The following PLCB1 variants were observed in gnomAD, a reference collection of about 807,000 sequenced individuals.
PLCB1 encodes 1-phosphatidylinositol 4,5-bisphosphate phosphodiesterase beta-1.
In PLCB1, 46 loss-of-function variants were observed where a neutral mutation model predicts 161.8. The ratio of observed to expected loss-of-function variants is 0.28; its 90% confidence interval spans 0.22 to 0.36. PLCB1 has a LOEUF of 0.36. Ranked by LOEUF, PLCB1 falls within the 10% of genes least tolerant of loss-of-function variation. The pLI is 1.00. For synonymous variants in PLCB1, 517 were observed against 503.7 expected (o/e 1.03, Z -0.35); for missense variants, 1,016 against 1,472.5 (o/e 0.69, Z 5.07).
chr20:8,318,274 A>C (rs1984750540), intron 2 of PLCB1, among the ~76,000 whole-genome samples: 1 of 152,176 alleles, frequency 6.6e-6, no homozygotes, highest in Admixed American at 6.6e-5. Context: ...TTGACCTTAC[A>C]GTCTACCACA....
chr20:8,433,339 T>C (rs904254240), intron 3 of PLCB1, among the ~76,000 whole-genome samples: 1 of 148,964 alleles, frequency 6.7e-6, no homozygotes, highest in Non-Finnish European at 1.5e-5. Context: ...TCTAGAAAAA[T>C]CTTGGGAAAA....
In PLCB1 at chr20:8,221,546, T is replaced by A. The variant is rs149030710; in HGVS notation, c.177+71175T>A. 2.2e-3 allele frequency among the ~76,000 whole-genome samples: 342 copies of A among 152,228 alleles called. 1 individual carries two copies. The highest frequency in any genetic ancestry group is 7.7e-3 in the African/African-American group (321 of 41,530). ...TAAATCTCAGTTATCATGAGAAGGC[T>A]CCAGGCTGGCTCTTTGCCAGTGTGT... On this transcript the variant is annotated intron_variant, in intron 2 of 31. Transcript: ENST00000338037.
chr20:8,684,414 G>A (rs1179497060), intron 9 of PLCB1, among the ~76,000 whole-genome samples: 4 of 151,490 alleles, frequency 2.6e-5, no homozygotes, highest in South Asian at 2.1e-4. Flanking sequence ...CACCATGCCC[G>A]GGTTAATTTT....
intron 9 of PLCB1, among the ~76,000 whole-genome samples, chr20:8,665,185 C>T (rs1273434480): frequency 1.3e-5 from 2 of 152,184 alleles, no homozygotes; most frequent in African/African-American, 4.8e-5. Context: ...TTCATTATGA[C>T]TTTTTATTTG....
intron 2 of PLCB1, among the ~76,000 whole-genome samples, chr20:8,262,600 G>A (rs2743163): frequency 0.05 from 7,646 of 152,224 alleles, 636 homozygotes; most frequent in African/African-American, 0.17. Flanking sequence ...TGAAATATAT[G>A]AATACCCAGC....
At chr20:8,139,536 A>G (rs1421753677) in intron 1 of PLCB1, among the ~76,000 whole-genome samples, 1 of 152,216 alleles carries the variant, frequency 6.6e-6, no homozygotes, top group Admixed American at 6.5e-5. Context: ...GGATATCAAT[A>G]TATAGCATTG....
chr20:8,582,988 C>CAAAAAAAAAAAAA, intron 3 of PLCB1, among the ~76,000 whole-genome samples: 1 of 125,198 alleles, frequency 8.0e-6, no homozygotes, highest in South Asian at 2.4e-4. Context: ...GACTCCATCT[C>CAAAAAAAAAAAAA]AAAAAAAAAA....
chr20:8,424,652 G>C (rs1979673193), intron 3 of PLCB1, among the ~76,000 whole-genome samples: 1 of 152,084 alleles, frequency 6.6e-6, no homozygotes, highest in African/African-American at 2.4e-5. Flanking sequence ...AGCAAAGATG[G>C]CCTAGCATTC....
At chr20:8,315,533 A>G (rs1034783705) in intron 2 of PLCB1, among the ~76,000 whole-genome samples, 2 of 152,140 alleles carry the variant, frequency 1.3e-5, no homozygotes, top group African/African-American at 4.8e-5. Flanking sequence ...TGGAAGTGTA[A>G]CCTTGGCCAA....
At chr20:8,861,855 C>T (rs1987268910) in intron 31 of PLCB1, among the ~76,000 whole-genome samples, 6 of 151,494 alleles carry the variant, frequency 4.0e-5, no homozygotes, top group Admixed American at 3.9e-4. Context: ...ACTTGATTTA[C>T]TGGGAAACAT....
chr20:8,613,936 G>GA (rs869265722), intron 3 of PLCB1, among the ~76,000 whole-genome samples: 2 of 151,146 alleles, frequency 1.3e-5, no homozygotes, highest in Admixed American at 6.6e-5. Context: ...TGATACATTT[G>GA]AAAAAAATAT....
At chr20:8,310,726 C>G (rs1407060516) in intron 2 of PLCB1, among the ~76,000 whole-genome samples, 2 of 152,186 alleles carry the variant, frequency 1.3e-5, no homozygotes, top group Non-Finnish European at 2.9e-5. Context: ...CCCTCCCACT[C>G]TCCCTCCTTT....
chr20:8,576,953 G>T (rs975353158), intron 3 of PLCB1, among the ~76,000 whole-genome samples: 1 of 152,082 alleles, frequency 6.6e-6, no homozygotes, highest in Non-Finnish European at 1.5e-5. Flanking sequence ...ATGGAAGGAG[G>T]TACAGAGGTA....
At chr20:8,876,958 G>A (rs1987802844) in intron 31 of PLCB1, among the ~76,000 whole-genome samples, 2 of 152,078 alleles carry the variant, frequency 1.3e-5, no homozygotes, top group Admixed American at 1.3e-4. Flanking sequence ...GGCCTCCCCA[G>A]ATTCAAGAAG....
chr20:8,425,363 T>A (rs1028169933), intron 3 of PLCB1, among the ~76,000 whole-genome samples: 2 of 152,110 alleles, frequency 1.3e-5, no homozygotes, highest in Admixed American at 6.6e-5. Flanking sequence ...TCCAGGAAAT[T>A]GGCATGAAAC....
intron 31 of PLCB1, among the ~76,000 whole-genome samples, chr20:8,834,810 GAAAAAA>G (rs10568816): frequency 2.3e-3 from 200 of 85,582 alleles, no homozygotes; most frequent in African/African-American, 8.8e-3. Context: ...CTCTGCCTCA[GAAAAAA>G]AAAAAAAAAA....
chr20:8,651,280 T>A (rs907847506), intron 7 of PLCB1: 1 of 590,832 alleles, frequency 1.7e-6, no homozygotes, highest in African/African-American at 1.9e-5. Context: ...ATAAAAGTAT[T>A]GAGTGCTATG....
rs1568615549 is a variant in PLCB1, at chr20:8,278,977, T to TAAAA, written c.178-92405_178-92404insAAAA. ...AATAAACACGACTATACAGTGTTTT[T>TAAAA]TAAAAAAAAAAACAAAACAGAAAAT... On this transcript the variant is annotated intron_variant, in intron 2 of 31. Coordinates refer to ENST00000338037, the MANE Select transcript of PLCB1 (RefSeq NM_015192.4). Among the ~76,000 whole-genome samples, 112 of 148,478 alleles carry TAAAA rather than the reference T, an allele frequency of 7.5e-4. 1 individual carries two copies. In the South Asian group the frequency reaches 7.8e-3, roughly 10 times the overall value.
intron 3 of PLCB1, among the ~76,000 whole-genome samples, chr20:8,430,001 A>G (rs1440773918): frequency 1.3e-5 from 2 of 151,968 alleles, no homozygotes; most frequent in Admixed American, 6.5e-5. Flanking sequence ...CAGTGTGGGT[A>G]ACAGAAGGGC....
Sources: allele counts gnomAD v4.1 joint callset (sites outside exome capture counted in the v4.1 genomes callset), GRCh38; gene constraint gnomAD v4.1.1; transcripts MANE v1.5; gene names NCBI Gene and HGNC (gene_info 2026-07-23, HGNC 2026-07-21).